The following EHMT2 variants were observed in gnomAD, a reference collection of about 807,000 sequenced individuals.
The protein encoded by EHMT2 is histone-lysine N-methyltransferase EHMT2.
EHMT2 carries 59 observed loss-of-function variants against 143.3 expected under a neutral mutation model. The ratio of observed to expected loss-of-function variants is 0.41; its 90% CI spans 0.33 to 0.51. EHMT2 has a LOEUF of 0.51. Among genes scored for constraint, EHMT2 ranks in the 20% least tolerant of loss-of-function variants. EHMT2 has a pLI of 0.18. For missense variants in EHMT2, 1,174 were observed against 1,645.9 expected, an observed-to-expected ratio of 0.71 and a Z score of 4.96; for synonymous variants, 604 against 651.5, an observed-to-expected ratio of 0.93 and a Z score of 1.11.
Position 31,880,611 on chromosome 6 carries a change from G to T in EHMT2, c.3452+62C>A, listed in dbSNP as rs575157816. 51 of 1,565,142 alleles carry T rather than the reference G, an allele frequency of 3.3e-5. No individual in the cohort carries two copies. In the African/African-American group the frequency reaches 6.6e-4, roughly 20 times the overall value. ...ACACCAGGTACATGCCAGCCTTCAG[G>T]TCCCAGGTTTGCTGCATCTCCCACC... On this transcript the variant is annotated intron_variant, in intron 27 of 27. Coordinates refer to ENST00000375537, the Ensembl canonical transcript of EHMT2. This position sits in a 1 kb window ranked among gnomAD's most constrained non-coding sequence, Gnocchi z 6.6.
intron 7 of EHMT2, among the ~76,000 whole-genome samples, chr6:31,890,150 G>A (rs569421653): frequency 6.6e-6 from 1 of 152,202 alleles, no homozygotes; most frequent in East Asian, 1.9e-4. Context: ...CAAGAAATAT[G>A]GGCAGAGAGG....
exon 28 of EHMT2, chr6:31,879,863 T>G: frequency 1.8e-6 from 1 of 551,448 alleles, no homozygotes; most frequent in Non-Finnish European, 3.2e-6. Flanking sequence ...ACACGGGGGG[T>G]GGCCAGCCCT....
chr6:31,884,861 A>G lies in EHMT2; in HGVS notation c.2448+51T>C. On this transcript the variant is annotated intron_variant, in intron 19 of 27. Coordinates refer to ENST00000375537, the Ensembl canonical transcript of EHMT2. The surrounding 1 kb of genome is among the most constrained non-coding windows in gnomAD (Gnocchi z 7.3). ...AGCTGGGCCCTTGAATCCAGCCTCCACCTTGCTCAGGGGCCTGGGGCTGCC... is the reference window on the plus strand; with the variant it reads ...AGCTGGGCCCTTGAATCCAGCCTCCGCCTTGCTCAGGGGCCTGGGGCTGCC... 1 of 1,582,496 alleles carries G rather than the reference A, an allele frequency of 6.3e-7. No homozygotes were observed. The highest frequency in any genetic ancestry group is 8.6e-7 in the Non-Finnish European group (1 of 1,158,108).
exon 5 of EHMT2, chr6:31,892,899 A>G (rs1479939120): frequency 1.3e-6 from 2 of 1,577,332 alleles, no homozygotes; most frequent in Non-Finnish European, 1.7e-6. Flanking sequence ...GCCGCTTCTC[A>G]GGGACCGGGG....
Position 31,884,691 on chromosome 6 carries a change from T to A in EHMT2, c.2557A>T (p.Thr853Ser). The A allele has an allele frequency of 6.3e-7, 1 of 1,583,264 alleles. No homozygotes were observed. Among genetic ancestry groups the A allele is most frequent in the Non-Finnish European group, 8.6e-7 (1 of 1,161,772 alleles). The stretch of plus-strand genomic sequence containing the variant: ...TCCCGAGCTGCGATGTGCAGGGGGG[T>A]GTCCCCATGGTAGTTGACAGCATGG... Residue 853 changes from threonine (T) to serine (S), a missense_variant, in exon 20 of 28, where the codon ACC (threonine) becomes TCC (serine). By Grantham distance (58) the Thr-to-Ser change is moderately conservative. Transcript: ENST00000375537. The surrounding 1 kb of genome is among the most constrained non-coding windows in gnomAD (Gnocchi z 7.3).
chr6:31,890,965 G>A (rs952738231), intron 7 of EHMT2, among the ~76,000 whole-genome samples: 6 of 150,510 alleles, frequency 4.0e-5, no homozygotes, highest in Non-Finnish European at 8.9e-5. Flanking sequence ...TTTTTGAGAC[G>A]GAGTTTCGCT....
chr6:31,895,017 T>C (rs1232694161), intron 4 of EHMT2, among the ~76,000 whole-genome samples: 3 of 152,226 alleles, frequency 2.0e-5, no homozygotes, highest in Non-Finnish European at 2.9e-5. Flanking sequence ...ATAAATTCAA[T>C]TTTCCTTTTC....
At position 31,889,499 on chromosome 6, in the gene EHMT2, T is replaced by C. The variant is rs990125947; in HGVS notation, c.968A>G (p.Glu323Gly). The C allele has an allele frequency of 2.5e-6, 4 of 1,612,738 alleles. No homozygotes were observed. Among genetic ancestry groups the C allele is most frequent in the Non-Finnish European group, 3.4e-6 (4 of 1,179,944 alleles). The change falls in exon 8 of 28, where the codon GAA becomes GGA. Residue 323 changes from glutamate to glycine, a missense_variant. Physicochemically the swap from Glu to Gly is moderately conservative, Grantham distance 98. This residue lies in a region of EHMT2 where 608 missense variants were observed against 903.7 expected (regional missense o/e 0.67). Coordinates refer to ENST00000375537, the Ensembl canonical transcript of EHMT2. This position sits in a 1 kb window ranked among gnomAD's most constrained non-coding sequence, Gnocchi z 5.1. The stretch of plus-strand genomic sequence containing the variant: ...TGACTGATTCCCTGACTCCTCATCT[T>C]CCTCTTCTTCTTCCTCTTCCTCCTC...
At position 31,884,413 on chromosome 6, in the gene EHMT2, C is replaced by A. The variant is rs1217920020; in HGVS notation, c.2750G>T (p.Arg917Leu). 2.5e-6 allele frequency: 4 copies of A among 1,612,188 alleles called. No individual in the cohort carries two copies. Among genetic ancestry groups the A allele is most frequent in the Non-Finnish European group, 3.4e-6 (4 of 1,179,926 alleles). ...TCACCGGCAGATGATCTTCTCTGTGCGGATGGCCCGATTTCCCACCCCAAG... is the reference window on the plus strand; with the variant it reads ...TCACCGGCAGATGATCTTCTCTGTGAGGATGGCCCGATTTCCCACCCCAAG... The change falls in exon 21 of 28, where the codon CGC (arginine) becomes CTC (leucine). Residue 917 changes from arginine (R) to leucine (L), a missense_variant. Arg to Leu is a moderately radical substitution (Grantham distance 102, BLOSUM62 -2). Coordinates refer to ENST00000375537, the Ensembl canonical transcript of EHMT2. The surrounding 1 kb of genome is among the most constrained non-coding windows in gnomAD (Gnocchi z 7.3).
chr6:31,896,342 G>C (rs1320760072), exon 4 of EHMT2: 1 of 1,613,024 alleles, frequency 6.2e-7, no homozygotes. Context: ...GGTGGCTGGA[G>C]GGGGTTCAGA....
At chr6:31,882,631 G>A in intron 25 of EHMT2, 68 bp downstream of exon 25, 3 of 1,459,058 alleles carry the variant, frequency 2.1e-6, no homozygotes, top group Non-Finnish European at 2.8e-6. Flanking sequence ...CTGAGAGGGA[G>A]GCCTGGCAGT....
intron 7 of EHMT2, among the ~76,000 whole-genome samples, chr6:31,891,065 C>T (rs1451393223): frequency 1.3e-5 from 2 of 151,908 alleles, no homozygotes; most frequent in Non-Finnish European, 2.9e-5. Flanking sequence ...GCCTCAGCCT[C>T]CCGAGTAGCT....
intron 18 of EHMT2, 100 bp from the exon 19 acceptor site, chr6:31,885,116 T>C: frequency 1.4e-6 from 2 of 1,430,920 alleles, no homozygotes; most frequent in African/African-American, 2.8e-5. Context: ...AGCTCCACCA[T>C]TCACAAGCTG....
Position 31,896,599 on chromosome 6 carries a change from C to T in EHMT2, c.328+7G>A, listed in dbSNP as rs1463611030. 3.8e-6 allele frequency: 6 copies of T among 1,586,650 alleles called. No individual in the cohort carries two copies. The highest frequency in any genetic ancestry group is 1.2e-5 in the South Asian group (1 of 86,140). ...CCACCAACCCCCCAGGCTACCCAGCCTCTCACCCAGCAGGATCCGGCCCCC... is the reference window on the plus strand; with the variant it reads ...CCACCAACCCCCCAGGCTACCCAGCTTCTCACCCAGCAGGATCCGGCCCCC... On this transcript the variant is annotated splice_region_variant and intron_variant, in intron 3 of 27. Coordinates refer to ENST00000375537, the Ensembl canonical transcript of EHMT2.
intron 3 of EHMT2, 36 bp downstream of exon 3, chr6:31,896,569 AT>A: frequency 6.3e-7 from 1 of 1,595,200 alleles, no homozygotes; most frequent in Non-Finnish European, 8.5e-7. Flanking sequence ...AGAGTCAGAA[AT>A]TTCCCACCAA....
upstream of EHMT2, chr6:31,897,695 G>C: frequency 9.3e-7 from 1 of 1,074,120 alleles, no homozygotes; most frequent in South Asian, 4.5e-5. Flanking sequence ...TGCGCTGGGG[G>C]CCGAGCCGGC....
intron 17 of EHMT2, 21 bp from the exon 18 acceptor site, chr6:31,886,703 T>C: frequency 6.2e-7 from 1 of 1,613,988 alleles, no homozygotes; most frequent in Middle Eastern, 1.7e-4. Flanking sequence ...CACGGGCAAA[T>C]GAGCCTTTGG....
chr6:31,896,791 T>C (rs757320153), exon 3 of EHMT2: 2 of 1,612,884 alleles, frequency 1.2e-6, no homozygotes, highest in Non-Finnish European at 1.7e-6. Context: ...CAGGGTTTCT[T>C]CACTACGAGG....
At chr6:31,887,331 T>A (rs1765001618) in intron 15 of EHMT2, among the ~76,000 whole-genome samples, 1 of 152,198 alleles carries the variant, frequency 6.6e-6, no homozygotes. Flanking sequence ...CACTGTGCAC[T>A]GTGCAAGGTC....
Sources: allele counts gnomAD v4.1 joint callset (sites outside exome capture counted in the v4.1 genomes callset), GRCh38; gene constraint gnomAD v4.1.1; regional missense constraint gnomAD v4.1.1; non-coding constraint Gnocchi (gnomAD v3.1); transcripts MANE v1.5; gene names NCBI Gene and HGNC (gene_info 2026-07-23, HGNC 2026-07-21).